Variants in CFAP47 observed in about 807,000 individuals in gnomAD.
CFAP47 encodes cilia- and flagella-associated protein 47.
A neutral mutation model predicts 148.1 loss-of-function variants in CFAP47; 29 were observed. The observed-to-expected ratio is 0.20, with a 90% CI of 0.15 to 0.27. The LOEUF (loss-of-function observed/expected upper bound fraction) is 0.27. Ranked by LOEUF, CFAP47 falls within the 10% of genes least tolerant of loss-of-function variation. The pLI, the probability that CFAP47 is intolerant of heterozygous loss-of-function variation, is 1.00. For missense variants in CFAP47, 1,872 were observed against 1,697.5 expected (o/e 1.10, Z -1.81); for synonymous variants, 664 against 577.3 (o/e 1.15, Z -2.15).
At chrX:36,131,484 G>C in intron 33 of CFAP47, among the ~76,000 whole-genome samples, 1 of 111,213 alleles carries the variant, frequency 9.0e-6, no homozygotes, top group Non-Finnish European at 1.9e-5. Context: ...TTGAGAAATA[G>C]ATTAGCAATA....
intron 3 of CFAP47, 113 bp downstream of exon 3, chrX:35,941,511 A>G (rs1321086869): frequency 2.5e-6 from 1 of 401,008 alleles, no homozygotes; most frequent in Non-Finnish European, 4.2e-6. Flanking sequence ...CTATCATTTC[A>G]AATAGCTCAA....
intron 32 of CFAP47, among the ~76,000 whole-genome samples, chrX:36,103,501 GAAAA>G (rs61501194): frequency 6.6e-5 from 1 of 15,055 alleles, no homozygotes; most frequent in African/African-American, 2.4e-4. Flanking sequence ...TCATATGCCA[GAAAA>G]AAAAAAAAAA....
chrX:36,069,985 A>G (rs1937716954), intron 27 of CFAP47, among the ~76,000 whole-genome samples: 1 of 111,677 alleles, frequency 9.0e-6, no homozygotes, highest in African/African-American at 3.3e-5. Context: ...TTTAATGGCA[A>G]GTTAAAAACA....
intron 45 of CFAP47, among the ~76,000 whole-genome samples, chrX:36,218,205 A>G (rs1172307641): frequency 1.8e-5 from 2 of 112,778 alleles, no homozygotes; most frequent in Admixed American, 9.4e-5. Flanking sequence ...GCAAAATACA[A>G]AGTTAATTTG....
At chrX:36,333,490 T>C (rs1556014361) in intron 57 of CFAP47, among the ~76,000 whole-genome samples, 1 of 111,143 alleles carries the variant, frequency 9.0e-6, no homozygotes, top group Non-Finnish European at 1.9e-5. Flanking sequence ...TTTCTGCTTC[T>C]AGACCATTCT....
chrX:36,286,735 T>C (rs1002372274), intron 51 of CFAP47, among the ~76,000 whole-genome samples: 1 of 111,404 alleles, frequency 9.0e-6, no homozygotes, highest in African/African-American at 3.3e-5. Context: ...GAGAAAAACA[T>C]TTAAATAGGC....
At chrX:36,315,989 A>G (rs1941430411) in intron 56 of CFAP47, among the ~76,000 whole-genome samples, 1 of 111,589 alleles carries the variant, frequency 9.0e-6, no homozygotes, top group African/African-American at 3.3e-5. Flanking sequence ...AAGGAGGATA[A>G]AATTGATTAA....
At chrX:36,006,588 T>C (rs1000078553) in intron 21 of CFAP47, among the ~76,000 whole-genome samples, 1 of 112,272 alleles carries the variant, frequency 8.9e-6, no homozygotes, top group African/African-American at 3.2e-5. Context: ...TTGGTTGACC[T>C]ATGTAGCAGG....
rs782588069 is a variant in CFAP47 at position 36,323,638 on chromosome X, A to G, written c.8443+4331A>G. Among the ~76,000 whole-genome samples, 106 of 111,549 alleles carry G rather than the reference A, an allele frequency of 9.5e-4. 1 individual carries two copies. The highest frequency in any genetic ancestry group is 3.3e-3 in the African/African-American group (103 of 30,817). ...TTCATTTCATAATAGCAGCCATTCT[A>G]TTCATCATCCCAGTCAATCTGACTT... On this transcript the variant is annotated intron_variant, in intron 57 of 63. Coordinates refer to ENST00000378653, the MANE Select transcript of CFAP47 (RefSeq NM_001304548.2).
At chrX:36,349,917 C>T in intron 58 of CFAP47, 121 bp from the exon 59 acceptor site, 2 of 376,036 alleles carry the variant, frequency 5.3e-6, no homozygotes, top group South Asian at 1.8e-4. Flanking sequence ...ATCAGTTGCT[C>T]TCTACCAAAG....
At chrX:36,261,262 G>A (rs1235518496) in intron 49 of CFAP47, among the ~76,000 whole-genome samples, 2 of 97,714 alleles carry the variant, frequency 2.0e-5, no homozygotes, top group East Asian at 3.2e-4. Flanking sequence ...GGGAGCAAAT[G>A]GTTTATATTT....
intron 15 of CFAP47, among the ~76,000 whole-genome samples, chrX:35,979,592 CAA>C (rs1165451960): frequency 9.0e-6 from 1 of 110,757 alleles, no homozygotes; most frequent in Non-Finnish European, 1.9e-5. Flanking sequence ...TCTCTCGAAA[CAA>C]AAGTCAGAAT....
intron 49 of CFAP47, among the ~76,000 whole-genome samples, chrX:36,265,228 A>G (rs1556000854): frequency 8.9e-6 from 1 of 112,044 alleles, no homozygotes; most frequent in African/African-American, 3.3e-5. Context: ...ATGTGTAGAA[A>G]TGCTACTGAT....
rs1937332042 is a variant in CFAP47, at chrX:36,035,866, T to C, written c.3811+12T>C. The C allele has an allele frequency of 3.4e-6, 1 of 293,340 alleles. No homozygotes were observed. The highest frequency in any genetic ancestry group is 5.9e-6 in the Non-Finnish European group (1 of 168,366). The allele number at this position is 293,340 out of a possible 1,213,427, so 24.2% of individuals were successfully genotyped here. On this transcript the variant is annotated intron_variant, in intron 24 of 63. Transcript: ENST00000378653. ...AAGTTTCTGTCCAAGTAAGATATTT[T>C]CTCCTATATTTGTAGTTATACTTTC...
intron 30 of CFAP47, among the ~76,000 whole-genome samples, chrX:36,094,176 C>G (rs911318607): frequency 9.0e-6 from 1 of 110,591 alleles, no homozygotes; most frequent in East Asian, 2.8e-4. Context: ...AAAATGAGTT[C>G]ATTGTAGGCC....
At chrX:36,268,575 T>C (rs782691283) in intron 49 of CFAP47, among the ~76,000 whole-genome samples, 1 of 112,751 alleles carries the variant, frequency 8.9e-6, no homozygotes, top group African/African-American at 3.2e-5. Flanking sequence ...AAAGTATTTT[T>C]CATTGAATTT....
intron 2 of CFAP47, among the ~76,000 whole-genome samples, chrX:35,927,217 AT>A (rs1343795749): frequency 9.1e-6 from 1 of 110,039 alleles, no homozygotes; most frequent in Non-Finnish European, 1.9e-5. Context: ...ATCCTCAATT[AT>A]TTTGTTTCTT....
At chrX:36,262,081 T>C (rs1484415450) in intron 49 of CFAP47, among the ~76,000 whole-genome samples, 3 of 112,488 alleles carry the variant, frequency 2.7e-5, no homozygotes, top group Non-Finnish European at 5.6e-5. Flanking sequence ...AATTTTTTTA[T>C]TTTTAATTAT....
At chrX:36,329,245 G>T (rs1941544629) in intron 57 of CFAP47, among the ~76,000 whole-genome samples, 2 of 110,760 alleles carry the variant, frequency 1.8e-5, no homozygotes, top group African/African-American at 3.3e-5. Flanking sequence ...ATGATAAAGA[G>T]GCACTGAAAA....
Sources: allele counts gnomAD v4.1 joint callset (sites outside exome capture counted in the v4.1 genomes callset), GRCh38; gene constraint gnomAD v4.1.1; transcripts MANE v1.5; gene names NCBI Gene and HGNC (gene_info 2026-07-23, HGNC 2026-07-21).